Variants in TRAT1 observed in about 807,000 individuals in gnomAD.
The protein encoded by TRAT1 is T-cell receptor-associated transmembrane adapter 1.
Under a neutral mutation model 20.0 loss-of-function variants are expected in TRAT1, and 20 were observed. The observed-to-expected ratio is 1.00, with a 90% CI of 0.70 to 1.45. TRAT1 has a LOEUF of 1.45. Ranked by LOEUF, TRAT1 falls within the 40% of genes most tolerant of loss-of-function variation. The pLI is 0.00. For synonymous variants in TRAT1, 77 were observed against 74.2 expected, an observed-to-expected ratio of 1.04 and a Z score of -0.20; for missense variants, 237 against 224.1, an observed-to-expected ratio of 1.06 and a Z score of -0.37.
intron 1 of TRAT1, among the ~76,000 whole-genome samples, chr3:108,823,183 T>C (rs952508424): frequency 9.2e-5 from 14 of 152,238 alleles, no homozygotes; most frequent in African/African-American, 3.4e-4. Flanking sequence ...AAGTGTTCAC[T>C]GATAATTATG....
intron 2 of TRAT1, among the ~76,000 whole-genome samples, chr3:108,834,008 T>C (rs986411549): frequency 6.6e-6 from 1 of 152,164 alleles, no homozygotes; most frequent in Non-Finnish European, 1.5e-5. Flanking sequence ...GAACATTGGT[T>C]TCTCTGGCTA....
At chr3:108,823,532 T>A (rs1441635001) in intron 1 of TRAT1, among the ~76,000 whole-genome samples, 2 of 152,186 alleles carry the variant, frequency 1.3e-5, no homozygotes, top group African/African-American at 4.8e-5. Flanking sequence ...ATTTATTAAA[T>A]AAACATCTTT....
chr3:108,826,446 C>G (rs1305866491), intron 1 of TRAT1, among the ~76,000 whole-genome samples: 1 of 152,084 alleles, frequency 6.6e-6, no homozygotes, highest in Non-Finnish European at 1.5e-5. Context: ...AAGCCTGGAA[C>G]TGATTTGCGA....
intron 2 of TRAT1, among the ~76,000 whole-genome samples, chr3:108,835,242 CT>C: frequency 6.6e-6 from 1 of 152,342 alleles, no homozygotes; most frequent in South Asian, 2.1e-4. Context: ...GCATCACACC[CT>C]CTCAACTACA....
intron 1 of TRAT1, among the ~76,000 whole-genome samples, chr3:108,827,476 A>G (rs1945752436): frequency 1.3e-5 from 2 of 151,882 alleles, no homozygotes; most frequent in African/African-American, 4.8e-5. Flanking sequence ...TCTACTTAAT[A>G]TCTACCCTTC....
At chr3:108,844,387 G>A (rs1323026360) in intron 3 of TRAT1, among the ~76,000 whole-genome samples, 6 of 146,574 alleles carry the variant, frequency 4.1e-5, no homozygotes, top group African/African-American at 1.1e-4. Context: ...GTGCAATCCC[G>A]GCTCACTGCC....
chr3:108,831,025 AT>A (rs1270952239), intron 2 of TRAT1, among the ~76,000 whole-genome samples: 2 of 152,162 alleles, frequency 1.3e-5, no homozygotes, highest in Non-Finnish European at 2.9e-5. Context: ...GTGGGAAGGG[AT>A]TATCCTGGTA....
At chr3:108,850,229 A>G (rs981984699) in intron 5 of TRAT1, among the ~76,000 whole-genome samples, 3 of 152,104 alleles carry the variant, frequency 2.0e-5, no homozygotes, top group African/African-American at 7.2e-5. Context: ...AATGGCTCAC[A>G]TCTTGAAAAT....
In TRAT1 at chr3:108,830,698, G is replaced by A. The variant is rs1945784415; in HGVS notation, c.36G>A (p.Trp12Ter). Residue 12 changes from tryptophan to a stop codon, truncating the protein, a stop_gained, in exon 2 of 6, where the codon TGG (tryptophan) becomes TGA (stop). Transcript: ENST00000295756. LOFTEE classifies it high-confidence loss of function. ...TCTCTGGGTGCCCCTTTTTCCTCTG[G>A]GGACTTCTAGCATTGTTGGGCTTGG... ...SGISGCPFFL[W>*]GLLALLGLAL... The A allele has an allele frequency of 6.2e-7, 1 of 1,613,154 alleles. No homozygotes were observed. The highest frequency in any genetic ancestry group is 1.6e-4 in the Middle Eastern group (1 of 6,080).
chr3:108,829,784 G>C (rs773203433), intron 1 of TRAT1, among the ~76,000 whole-genome samples: 1 of 152,092 alleles, frequency 6.6e-6, no homozygotes, highest in East Asian at 1.9e-4. Context: ...CTACTGTGCT[G>C]CCCATTGTAG....
rs759885903 is a variant in TRAT1 at position 108,853,582 on chromosome 3, C to G, written c.304-38C>G. The G allele has an allele frequency of 1.9e-6, 3 of 1,589,384 alleles. No individual in the cohort carries two copies. The South Asian group carries it at 3.5e-5, about 18-fold the overall frequency. On this transcript the variant is annotated intron_variant, in intron 5 of 5. Transcript: ENST00000295756. ...AATTTCCAGAAGTCAAGCTAAAGAA[C>G]AGACTAACAATGAAAAATTAACATC...
At position 108,822,935 on chromosome 3, in the gene TRAT1, G is replaced by T; in HGVS notation, c.7+1G>T. 2 of 1,610,726 alleles carry T rather than the reference G, an allele frequency of 1.2e-6. No homozygotes were observed. Among genetic ancestry groups the T allele is most frequent in the Non-Finnish European group, 1.7e-6 (2 of 1,177,666 alleles). ...TCTCTGAAAAAAAGAAGCATGTCAG[G>T]TAAGTGGCATTTTAAACTTTTTGTT... On this transcript the variant is annotated splice_donor_variant, in intron 1 of 5. Coordinates refer to ENST00000295756, the MANE Select transcript of TRAT1 (RefSeq NM_016388.4). LOFTEE classifies it high-confidence loss of function.
chr3:108,853,796 C>T lies in TRAT1; in HGVS notation c.480C>T (p.Ser160=). The change falls in exon 6 of 6, where the codon AGC becomes AGT. Residue 160 remains serine (S), a synonymous_variant. Transcript: ENST00000295756. Reference sequence around the variant, plus strand: ...TAGTAGACAGTTTCTCCCCAGAAAGCCAGGCAGTAGAGGAAAACATTCATG... The same window carrying T: ...TAGTAGACAGTTTCTCCCCAGAAAGTCAGGCAGTAGAGGAAAACATTCATG... ...TTLVDSFSPE[S]QAVEENIHDD... 1 of 1,614,066 alleles carries T rather than the reference C, an allele frequency of 6.2e-7. No homozygotes were observed. The highest frequency in any genetic ancestry group is 8.5e-7 in the Non-Finnish European group (1 of 1,179,946).
chr3:108,829,161 A>G (rs1041051352), intron 1 of TRAT1, among the ~76,000 whole-genome samples: 3 of 152,218 alleles, frequency 2.0e-5, no homozygotes, highest in Non-Finnish European at 2.9e-5. Flanking sequence ...ATTTTAACCA[A>G]TGCGACTCCC....
rs764325633 is a variant in TRAT1, at chr3:108,838,982, A to T, written c.152+15A>T. The T allele has an allele frequency of 6.3e-7, 1 of 1,589,730 alleles. No homozygotes were observed. Among genetic ancestry groups the T allele is most frequent in the Non-Finnish European group, 8.6e-7 (1 of 1,157,782 alleles). ...GACCACACCAGGTATGTTGTGATTC[A>T]GTCATGGATCATGATTCCCAACTAA... On this transcript the variant is annotated intron_variant, in intron 3 of 5. Coordinates refer to ENST00000295756, the MANE Select transcript of TRAT1 (RefSeq NM_016388.4).
chr3:108,850,963 C>T (rs1451206314), intron 5 of TRAT1, among the ~76,000 whole-genome samples: 2 of 152,176 alleles, frequency 1.3e-5, no homozygotes, highest in Non-Finnish European at 2.9e-5. Flanking sequence ...CTTTAAAAGC[C>T]TGCTCTTTTG....
At chr3:108,839,100 T>C in intron 3 of TRAT1, 133 bp downstream of exon 3, 1 of 694,910 alleles carries the variant, frequency 1.4e-6, no homozygotes, top group Non-Finnish European at 2.5e-6. Context: ...TTTTAATTAC[T>C]TTTACTCTCA....
chr3:108,843,254 G>A (rs188594151), intron 3 of TRAT1, among the ~76,000 whole-genome samples: 62 of 152,226 alleles, frequency 4.1e-4, no homozygotes, highest in Middle Eastern at 3.4e-3. Flanking sequence ...ATTGCCAGCC[G>A]GGCGTGGTGG....
chr3:108,824,511 A>G (rs1400514169), intron 1 of TRAT1, among the ~76,000 whole-genome samples: 7 of 152,138 alleles, frequency 4.6e-5, no homozygotes, highest in Non-Finnish European at 1.0e-4. Flanking sequence ...TATAGCTATC[A>G]TTTGTGATAG....
Sources: gnomAD v4.1 joint callset for allele counts (sites outside exome capture counted in the v4.1 genomes callset) on GRCh38, gnomAD v4.1.1 for gene constraint, MANE v1.5 for transcripts, NCBI Gene and HGNC (gene_info 2026-07-23, HGNC 2026-07-21) for gene names.